The following SLC9A9 variants were observed in gnomAD, a reference collection of about 807,000 sequenced individuals.
SLC9A9 encodes the protein solute carrier family 9 member A9.
Under a neutral mutation model 77.8 loss-of-function variants are expected in SLC9A9, and 62 were observed. The observed-to-expected ratio is 0.80, with a 90% CI of 0.65 to 0.98. SLC9A9 has a LOEUF of 0.98. Among genes scored for constraint, SLC9A9 ranks in the 50% least tolerant of loss-of-function variants. SLC9A9 has a pLI of 0.00. For missense variants in SLC9A9, 775 were observed against 774.9 expected, an observed-to-expected ratio of 1.00 and a Z score of 0.00; for synonymous variants, 320 against 283.5, an observed-to-expected ratio of 1.13 and a Z score of -1.29.
intron 4 of SLC9A9, among the ~76,000 whole-genome samples, chr3:143,783,051 T>C (rs2007932707): frequency 6.6e-6 from 1 of 152,180 alleles, no homozygotes; most frequent in African/African-American, 2.4e-5. Flanking sequence ...CTAACTGTTA[T>C]CTTGCTTCCT....
intron 9 of SLC9A9, among the ~76,000 whole-genome samples, chr3:143,535,715 C>T (rs2036579491): frequency 6.6e-6 from 1 of 152,006 alleles, no homozygotes; most frequent in African/African-American, 2.4e-5. Flanking sequence ...CAATTCGTAA[C>T]CCAAATATAT....
At chr3:143,446,571 T>C (rs868489785) in intron 12 of SLC9A9, among the ~76,000 whole-genome samples, 13 of 151,722 alleles carry the variant, frequency 8.6e-5, no homozygotes, top group Non-Finnish European at 1.6e-4. Context: ...AGGGAAGAGG[T>C]CCAGACCTCA....
At chr3:143,545,737 G>C (rs1246765796) in intron 9 of SLC9A9, among the ~76,000 whole-genome samples, 1 of 152,190 alleles carries the variant, frequency 6.6e-6, no homozygotes, top group Non-Finnish European at 1.5e-5. Context: ...TTTCACTCCA[G>C]TATGAACCAG....
intron 6 of SLC9A9, among the ~76,000 whole-genome samples, chr3:143,621,005 GCCT>G (rs2038200821): frequency 6.6e-6 from 1 of 152,212 alleles, no homozygotes; most frequent in Non-Finnish European, 1.5e-5. Flanking sequence ...TGCCCATGGA[GCCT>G]CGCTCATTGC....
chr3:143,272,677 A>G (rs1041579392), intron 14 of SLC9A9, among the ~76,000 whole-genome samples: 1 of 152,180 alleles, frequency 6.6e-6, no homozygotes, highest in East Asian at 1.9e-4. Flanking sequence ...TCTTCTATCT[A>G]TTAAAAAAAA....
chr3:143,722,333 C>T (rs1448154488), intron 4 of SLC9A9, among the ~76,000 whole-genome samples: 2 of 151,890 alleles, frequency 1.3e-5, no homozygotes, highest in African/African-American at 4.8e-5. Context: ...ATTAGCCGGG[C>T]GTAGTGGCGG....
intron 14 of SLC9A9, among the ~76,000 whole-genome samples, chr3:143,280,022 T>C (rs1391364874): frequency 6.6e-6 from 1 of 152,212 alleles, no homozygotes; most frequent in African/African-American, 2.4e-5. Context: ...GGTTTTGTCA[T>C]GTTGCCCAGG....
intron 12 of SLC9A9, among the ~76,000 whole-genome samples, chr3:143,389,610 C>A (rs1328971341): frequency 6.6e-6 from 1 of 152,214 alleles, no homozygotes; most frequent in Admixed American, 6.5e-5. Flanking sequence ...GATCTGAGCA[C>A]TTCTATTGTG....
chr3:143,651,482 TAA>T (rs2038794168), intron 6 of SLC9A9, among the ~76,000 whole-genome samples: 1 of 152,250 alleles, frequency 6.6e-6, no homozygotes, highest in Non-Finnish European at 1.5e-5. Context: ...GCATTTGAAG[TAA>T]TTAACACCCA....
intron 8 of SLC9A9, among the ~76,000 whole-genome samples, chr3:143,560,522 C>T (rs1159621623): frequency 6.6e-6 from 1 of 151,994 alleles, no homozygotes; most frequent in Admixed American, 6.6e-5. Flanking sequence ...CTTTTCCTAG[C>T]TTTCCAGAAT....
At chr3:143,607,832 T>A (rs1576607248) in intron 6 of SLC9A9, among the ~76,000 whole-genome samples, 1 of 151,888 alleles carries the variant, frequency 6.6e-6, no homozygotes, top group Non-Finnish European at 1.5e-5. Flanking sequence ...ATTTAATATA[T>A]ATAAATGTTT....
chr3:143,568,088 T>C (rs1354790492), intron 8 of SLC9A9, among the ~76,000 whole-genome samples: 2 of 152,182 alleles, frequency 1.3e-5, no homozygotes, highest in Non-Finnish European at 2.9e-5. Context: ...AGGAATTTAT[T>C]GGAAGGAAGT....
chr3:143,648,676 C>T (rs993977944), intron 6 of SLC9A9, among the ~76,000 whole-genome samples: 4 of 152,184 alleles, frequency 2.6e-5, no homozygotes, highest in Admixed American at 6.5e-5. Context: ...AGTCTCAGCT[C>T]ATGTGCTTCC....
At chr3:143,516,168 G>A (rs994542706) in intron 9 of SLC9A9, among the ~76,000 whole-genome samples, 1 of 151,978 alleles carries the variant, frequency 6.6e-6, no homozygotes, top group Non-Finnish European at 1.5e-5. Context: ...AACTGTACAC[G>A]ACATGTTCTT....
chr3:143,792,070 C>A (rs1435411602), intron 4 of SLC9A9, among the ~76,000 whole-genome samples: 1 of 152,152 alleles, frequency 6.6e-6, no homozygotes, highest in Non-Finnish European at 1.5e-5. Flanking sequence ...TCTTTTTAAA[C>A]CTCAGTTGTT....
intron 4 of SLC9A9, among the ~76,000 whole-genome samples, chr3:143,735,294 A>T (rs1356038554): frequency 6.6e-6 from 1 of 152,176 alleles, no homozygotes; most frequent in African/African-American, 2.4e-5. Context: ...TAGACCCCTA[A>T]AGTCCTAAAA....
intron 4 of SLC9A9, 26 bp downstream of exon 4, chr3:143,794,975 C>T: frequency 6.2e-7 from 1 of 1,608,342 alleles, no homozygotes; most frequent in African/African-American, 1.3e-5. Context: ...CAGCCACCTG[C>T]AACTTGAGCT....
intron 4 of SLC9A9, among the ~76,000 whole-genome samples, chr3:143,775,445 T>A (rs911978085): frequency 6.6e-6 from 1 of 152,236 alleles, no homozygotes; most frequent in Non-Finnish European, 1.5e-5. Context: ...TGTCATGTAC[T>A]TTCCCTTAGA....
intron 6 of SLC9A9, among the ~76,000 whole-genome samples, chr3:143,642,068 A>G (rs1336979424): frequency 6.6e-6 from 1 of 152,170 alleles, no homozygotes; most frequent in Admixed American, 6.5e-5. Flanking sequence ...AAGTTCTATC[A>G]TTGATGAGTG....
Sources: allele counts gnomAD v4.1 joint callset (sites outside exome capture counted in the v4.1 genomes callset), GRCh38; gene constraint gnomAD v4.1.1; transcripts MANE v1.5; gene names NCBI Gene and HGNC (gene_info 2026-07-23, HGNC 2026-07-21).